The following MIOS variants were observed in gnomAD, a reference collection of about 807,000 sequenced individuals.
MIOS encodes GATOR2 complex protein MIOS.
MIOS carries 52 observed loss-of-function variants against 96.9 expected under a neutral mutation model. That is an observed-to-expected ratio of 0.54 (90% confidence interval 0.43 to 0.68). The LOEUF is 0.68. Ranked by LOEUF, MIOS falls within the 30% of genes least tolerant of loss-of-function variation. The probability of loss-of-function intolerance (pLI) is 0.00; values close to 1 mark genes in which losing one functional copy is unlikely to be tolerated. For missense variants in MIOS, 1,005 were observed against 1,052.8 expected (o/e 0.95, Z 0.63); for synonymous variants, 397 against 359.5 (o/e 1.10, Z -1.18).
At chr7:7,590,606 C>T (rs953401321) in intron 9 of MIOS, among the ~76,000 whole-genome samples, 7 of 151,982 alleles carry the variant, frequency 4.6e-5, no homozygotes, top group South Asian at 2.1e-4. Context: ...GTTTGTTTTC[C>T]GTTTTGTTTG....
intron 6 of MIOS, among the ~76,000 whole-genome samples, chr7:7,585,123 TTACTA>T (rs1411828316): frequency 6.6e-6 from 1 of 152,190 alleles, no homozygotes; most frequent in Admixed American, 6.5e-5. Context: ...GATGCAATAT[TTACTA>T]TAAGTGTTTT....
intron 5 of MIOS, among the ~76,000 whole-genome samples, chr7:7,576,067 G>A (rs1783522336): frequency 6.6e-6 from 1 of 152,112 alleles, no homozygotes; most frequent in South Asian, 2.1e-4. Context: ...CTTGTCCACA[G>A]TAACCTAATA....
At chr7:7,596,127 G>A (rs867485916) in intron 10 of MIOS, 130 bp from the exon 11 acceptor site, 1 of 780,586 alleles carries the variant, frequency 1.3e-6, no homozygotes, top group Non-Finnish European at 1.9e-6. Flanking sequence ...AACCTTAGCA[G>A]ATCAATTTTG....
chr7:7,577,536 T>C (rs1180205080), intron 5 of MIOS, among the ~76,000 whole-genome samples: 2 of 152,182 alleles, frequency 1.3e-5, no homozygotes, highest in Non-Finnish European at 2.9e-5. Context: ...AATTTAAGCA[T>C]GTTTAAATGC....
rs1784580116 is a variant in MIOS, at chr7:7,608,161, A to C, written c.*1069A>C. The C allele has an allele frequency of 9.9e-5, 1 of 10,142 alleles. No individual in the cohort carries two copies. Among genetic ancestry groups the C allele is most frequent in the Non-Finnish European group, 1.9e-4 (1 of 5,168 alleles). 0.6% of individuals were successfully genotyped at this position (10,142 alleles called of 1,614,324 possible). A position where few individuals can be genotyped will look rare whatever the true frequency, so the allele number is the denominator to read the frequency against. ...GGGGCTAAGTCAGGTACTTTATTTA[A>C]AACATTTTTTTTTCTCATTTCATAG... On this transcript the variant is annotated 3_prime_UTR_variant, in exon 13 of 13. Transcript: ENST00000340080.
chr7:7,596,971 G>T (rs553957091), intron 11 of MIOS, among the ~76,000 whole-genome samples: 1 of 152,212 alleles, frequency 6.6e-6, no homozygotes, highest in Non-Finnish European at 1.5e-5. Flanking sequence ...AGGGTGGAAG[G>T]ATTACTTGAG....
intron 5 of MIOS, among the ~76,000 whole-genome samples, chr7:7,578,278 G>A (rs1583629824): frequency 6.6e-6 from 1 of 152,192 alleles, no homozygotes; most frequent in African/African-American, 2.4e-5. Flanking sequence ...TGTATAGCAA[G>A]TTCACAGTGT....
rs148302886 is a variant in MIOS, at chr7:7,607,560, A to AT, written c.*473dup. ...CTTTCAGATTAATTTAAAATTACAG[A>AT]TTTTTACTTTTAGAATTGCAGAGCC... On this transcript the variant is annotated 3_prime_UTR_variant, in exon 13 of 13. Transcript: ENST00000340080. The AT allele has an allele frequency of 0.026, 4,048 of 153,650 alleles. 134 individuals carry two copies. Among genetic ancestry groups the AT allele is most frequent in the African/African-American group, 0.07 (2,897 of 41,534 alleles). 9.5% of individuals were successfully genotyped at this position (153,650 alleles called of 1,614,324 possible). A position where few individuals can be genotyped will look rare whatever the true frequency, so the allele number is the denominator to read the frequency against.
rs1583665633 is a variant in MIOS, at chr7:7,607,174, C to A, written c.*82C>A. ...CATAGCTCAGAAACATACCTCAGAA[C>A]AAGCCATTCATGACTTACCTGTAAT... On this transcript the variant is annotated 3_prime_UTR_variant, in exon 13 of 13. Transcript: ENST00000340080. The A allele has an allele frequency of 9.7e-7, 1 of 1,031,680 alleles. No individual in the cohort carries two copies. The allele number at this position is 1,031,680 out of a possible 1,614,324, so 63.9% of individuals were successfully genotyped here. A position where few individuals can be genotyped will look rare whatever the true frequency, so the allele number is the denominator to read the frequency against.
intron 11 of MIOS, among the ~76,000 whole-genome samples, chr7:7,599,378 A>G (rs1199233468): frequency 6.6e-6 from 1 of 152,186 alleles, no homozygotes; most frequent in East Asian, 1.9e-4. Flanking sequence ...GGATTCTGAA[A>G]CACATCTAAA....
Position 7,573,198 on chromosome 7 carries a change from T to C in MIOS, c.723T>C (p.Ala241=), listed in dbSNP as rs1303121860. The C allele has an allele frequency of 1.9e-6, 3 of 1,614,028 alleles. No homozygotes were observed. In the African/African-American group the frequency reaches 4.0e-5, roughly 22 times the overall value. Residue 241 remains alanine, a synonymous_variant, in exon 4 of 13, where the codon GCT becomes GCC. Coordinates refer to ENST00000340080, the MANE Select transcript of MIOS (RefSeq NM_019005.4). The surrounding 1 kb of genome is among the most constrained non-coding windows in gnomAD (Gnocchi z 5.0). ...ACCCATATTTCCACGATCGTGTTGCTTCCTTCTATGAAGGTCAGGTTGCAA... is the reference window on the plus strand; with the variant it reads ...ACCCATATTTCCACGATCGTGTTGCCTCCTTCTATGAAGGTCAGGTTGCAA... ...TVDPYFHDRV[A]SFYEGQVAIW... is the part of the protein sequence containing the mutation.
intron 9 of MIOS, among the ~76,000 whole-genome samples, chr7:7,592,903 C>A (rs1563035438): frequency 6.6e-6 from 1 of 152,140 alleles, no homozygotes; most frequent in African/African-American, 2.4e-5. Context: ...GTTGGAGCCC[C>A]CTGGTTTACA....
intron 12 of MIOS, among the ~76,000 whole-genome samples, chr7:7,606,350 GT>G (rs1449691657): frequency 1.3e-5 from 2 of 152,184 alleles, no homozygotes; most frequent in African/African-American, 4.8e-5. Context: ...GAGAGGATAT[GT>G]TTACAGTTTT....
intron 11 of MIOS, among the ~76,000 whole-genome samples, chr7:7,597,512 ATATATG>A (rs1784248699): frequency 7.6e-5 from 4 of 52,898 alleles, no homozygotes; most frequent in Admixed American, 2.1e-4. Flanking sequence ...ATATATATAT[ATATATG>A]AAGGCAATAC....
intron 12 of MIOS, 128 bp from the exon 13 acceptor site, chr7:7,606,868 T>C (rs1262581439): frequency 3.0e-5 from 21 of 697,328 alleles, no homozygotes; most frequent in Non-Finnish European, 4.3e-5. Context: ...GGAGGATCAC[T>C]TGAGCCCAAA....
intron 8 of MIOS, 46 bp downstream of exon 8, chr7:7,588,609 G>A: frequency 1.6e-6 from 2 of 1,244,920 alleles, no homozygotes; most frequent in Admixed American, 2.1e-5. Context: ...AATATGTACT[G>A]TCACAATTAT....
At chr7:7,599,161 C>T (rs1204817665) in intron 11 of MIOS, among the ~76,000 whole-genome samples, 4 of 152,098 alleles carry the variant, frequency 2.6e-5, no homozygotes, top group Non-Finnish European at 5.9e-5. Flanking sequence ...AATCCAATGC[C>T]TTTTAAAAAT....
At chr7:7,574,248 T>C (rs746862442) in intron 5 of MIOS, 52 bp downstream of exon 5, 3 of 1,366,050 alleles carry the variant, frequency 2.2e-6, no homozygotes, top group African/African-American at 2.9e-5. Context: ...TTTTGTACTT[T>C]TATTTTGCCC....
intron 12 of MIOS, among the ~76,000 whole-genome samples, chr7:7,606,557 A>G (rs968839387): frequency 2.6e-5 from 4 of 152,168 alleles, no homozygotes; most frequent in Non-Finnish European, 4.4e-5. Flanking sequence ...CAGCATTTAT[A>G]CCCAGTTTGT....
Sources: allele counts gnomAD v4.1 joint callset (sites outside exome capture counted in the v4.1 genomes callset), GRCh38; gene constraint gnomAD v4.1.1; non-coding constraint Gnocchi (gnomAD v3.1); transcripts MANE v1.5; gene names NCBI Gene and HGNC (gene_info 2026-07-23, HGNC 2026-07-21).